Variants in SRRD observed in about 807,000 individuals in gnomAD.
SRRD encodes the protein SRR1-like protein.
A neutral mutation model predicts 30.7 loss-of-function variants in SRRD; 28 were observed. That is an observed-to-expected ratio of 0.91 (90% confidence interval 0.68 to 1.25). The LOEUF is 1.25. Among genes scored for constraint, SRRD ranks in the 50% most tolerant of loss-of-function variants. The pLI, the probability that SRRD is intolerant of heterozygous loss-of-function variation, is 0.00. For synonymous variants in SRRD, 161 were observed against 159.6 expected, an observed-to-expected ratio of 1.01 and a Z score of -0.07; for missense variants, 415 against 417.3, an observed-to-expected ratio of 0.99 and a Z score of 0.05.
Position 26,490,115 on chromosome 22 carries a change from CAAT to C in SRRD, c.682_684del (p.Asn228del), listed in dbSNP as rs746322666. On this transcript the variant is annotated inframe_deletion, in exon 5 of 7. Transcript: ENST00000215917. ...TCCATTGTGGGACGGCCTTGTACAA[CAAT>C]CTTTTATGGAGTAACTGGTCAGTAG... 1.9e-6 allele frequency: 3 copies of C among 1,614,126 alleles called. No homozygotes were observed. The highest frequency in any genetic ancestry group is 2.2e-5 in the East Asian group (1 of 44,878).
intron 2 of SRRD, among the ~76,000 whole-genome samples, chr22:26,487,231 A>G (rs983657205): frequency 1.3e-5 from 2 of 152,100 alleles, no homozygotes; most frequent in Non-Finnish European, 2.9e-5. Context: ...CTTTGCTGGT[A>G]TCTTAAGTGA....
At chr22:26,485,177 T>C (rs1357596164) in intron 1 of SRRD, among the ~76,000 whole-genome samples, 1 of 152,220 alleles carries the variant, frequency 6.6e-6, no homozygotes, top group Non-Finnish European at 1.5e-5. Context: ...ACTGCTTCAG[T>C]ATTCCCCAGG....
intron 6 of SRRD, 92 bp downstream of exon 6, chr22:26,491,162 G>C: frequency 7.6e-7 from 1 of 1,324,352 alleles, no homozygotes; most frequent in Non-Finnish European, 1.1e-6. Context: ...GAAACTCATG[G>C]GCTAAGTGGC....
chr22:26,491,302 G>A (rs1329961485), intron 6 of SRRD, 161 bp from the exon 7 acceptor site: 13 of 732,266 alleles, frequency 1.8e-5, no homozygotes, highest in Admixed American at 2.9e-5. Context: ...CTGTCCTTGG[G>A]GCGCCCAATT....
chr22:26,491,221 T>A, intron 6 of SRRD, 151 bp downstream of exon 6: 2 of 845,514 alleles, frequency 2.4e-6, no homozygotes, highest in Non-Finnish European at 3.7e-6. Context: ...CAGAAAGCTA[T>A]GACTCTTTAA....
rs1221835056 is a variant in SRRD, at chr22:26,494,331, C to A, written c.*2659C>A. ...TGCCAAAAAGAAAAATTACTTGCAT[C>A]CATCGTGGCAACAAATGAAGGCAAG... On this transcript the variant is annotated 3_prime_UTR_variant, in exon 7 of 7. Coordinates refer to ENST00000215917, the MANE Select transcript of SRRD (RefSeq NM_001013694.3). 6.2e-7 allele frequency: 1 copy of A among 1,613,954 alleles called. No individual in the cohort carries two copies. The highest frequency in any genetic ancestry group is 1.7e-5 in the Admixed American group (1 of 60,004).
At position 26,494,069 on chromosome 22, in the gene SRRD, T is replaced by A; in HGVS notation, c.*2397T>A. The A allele has an allele frequency of 6.4e-7, 1 of 1,567,680 alleles. No homozygotes were observed. On this transcript the variant is annotated 3_prime_UTR_variant, in exon 7 of 7. Coordinates refer to ENST00000215917, the MANE Select transcript of SRRD (RefSeq NM_001013694.3). Reference sequence around the variant, plus strand: ...CCTACAGGAACCAGAAAACTCTGATTCTGTGTCATTTACATGTGTAAAATC... The same window carrying A: ...CCTACAGGAACCAGAAAACTCTGATACTGTGTCATTTACATGTGTAAAATC...
rs746909138 is a variant in SRRD, at chr22:26,488,428, T to C, written c.549T>C (p.Phe183=). Residue 183 remains phenylalanine, a synonymous_variant, in exon 4 of 7, where the codon TTT becomes TTC. Transcript: ENST00000215917. The part of the protein sequence containing the change: ...RSHCWVYDPL[F]SQLEIEVLNT... ...ACTGTTGGGTATATGACCCTCTGTT[T>C]AGCCAACTTGAAATTGAAGTCCTTA... The C allele has an allele frequency of 6.2e-7, 1 of 1,614,202 alleles. No individual in the cohort carries two copies. Among genetic ancestry groups the C allele is most frequent in the Non-Finnish European group, 8.5e-7 (1 of 1,180,008 alleles).
At chr22:26,490,260 C>A in intron 5 of SRRD, 62 bp downstream of exon 5, 1 of 1,570,164 alleles carries the variant, frequency 6.4e-7, no homozygotes, top group Non-Finnish European at 8.7e-7. Flanking sequence ...CTCAGATTGA[C>A]CCACATGCAG....
chr22:26,488,524 A>C, intron 4 of SRRD, 36 bp downstream of exon 4: 1 of 1,530,572 alleles, frequency 6.5e-7, no homozygotes, highest in Non-Finnish European at 9.1e-7. Flanking sequence ...AGAACTGTAA[A>C]AATCCTGACC....
chr22:26,491,125 TTC>T, intron 6 of SRRD, 55 bp downstream of exon 6: 1 of 1,551,950 alleles, frequency 6.4e-7, no homozygotes, highest in Non-Finnish European at 8.8e-7. Flanking sequence ...CTGTGAAGAA[TTC>T]TATCTTTCTT....
intron 2 of SRRD, among the ~76,000 whole-genome samples, chr22:26,486,851 CA>C (rs1460334208): frequency 6.7e-6 from 1 of 150,224 alleles, no homozygotes; most frequent in African/African-American, 2.4e-5. Flanking sequence ...ATTCTTTTAT[CA>C]AAATTGACCT....
At chr22:26,488,349 G>A (rs1389296162) in intron 3 of SRRD, 41 bp from the exon 4 acceptor site, 1 of 1,613,532 alleles carries the variant, frequency 6.2e-7, no homozygotes, top group Non-Finnish European at 8.5e-7. Flanking sequence ...GGTGCACACA[G>A]ATGTTTGGGT....
intron 2 of SRRD, among the ~76,000 whole-genome samples, chr22:26,486,973 G>T (rs1441827112): frequency 6.7e-6 from 1 of 149,782 alleles, no homozygotes; most frequent in African/African-American, 2.5e-5. Context: ...CCAGGCTGGA[G>T]TGTAGGGGTG....
chr22:26,491,986 TCTGA>T lies in SRRD; in HGVS notation c.*318_*321del, dbSNP rs1459230975. ...AGTACATCCCTCTTAGGGGCAAGTC[TCTGA>T]CTGGTTCTGGACCTGCCACAGTTCA... On this transcript the variant is annotated 3_prime_UTR_variant, in exon 7 of 7. Transcript: ENST00000215917. The T allele has an allele frequency of 6.4e-7, 1 of 1,558,490 alleles. No individual in the cohort carries two copies. Among genetic ancestry groups the T allele is most frequent in the South Asian group, 1.2e-5 (1 of 85,224 alleles).
chr22:26,486,136 G>T, intron 2 of SRRD, 73 bp downstream of exon 2: 2 of 1,595,470 alleles, frequency 1.3e-6, no homozygotes, highest in Non-Finnish European at 1.7e-6. Context: ...AGGACATTTT[G>T]CTTCACAGAG....
In SRRD at chr22:26,491,144, C is replaced by T. The variant is rs753393817; in HGVS notation, c.810+74C>T. On this transcript the variant is annotated intron_variant, in intron 6 of 6. Coordinates refer to ENST00000215917, the MANE Select transcript of SRRD (RefSeq NM_001013694.3). ...GAAGAATTCTATCTTTCTTTACAGG[C>T]GTAGGAGGAAACTCATGGGCTAAGT... 40 of 1,470,142 alleles carry T rather than the reference C, an allele frequency of 2.7e-5. 1 individual carries two copies. The Middle Eastern group carries it at 1.2e-3, about 45-fold the overall frequency. The allele number at this position is 1,470,142 out of a possible 1,614,324, so 91.1% of individuals were successfully genotyped here.
chr22:26,491,995 T>A lies in SRRD; in HGVS notation c.*323T>A. 1 of 1,571,888 alleles carries A rather than the reference T, an allele frequency of 6.4e-7. No individual in the cohort carries two copies. The highest frequency in any genetic ancestry group is 8.6e-7 in the Non-Finnish European group (1 of 1,158,152). On this transcript the variant is annotated 3_prime_UTR_variant, in exon 7 of 7. Transcript: ENST00000215917. ...CTCTTAGGGGCAAGTCTCTGACTGG[T>A]TCTGGACCTGCCACAGTTCACTTGG...
At chr22:26,486,747 G>T (rs1175897941) in intron 2 of SRRD, among the ~76,000 whole-genome samples, 1 of 152,158 alleles carries the variant, frequency 6.6e-6, no homozygotes, top group Non-Finnish European at 1.5e-5. Context: ...AACTTAGGAT[G>T]ATCTTCTTAG....
Sources: allele counts gnomAD v4.1 joint callset (sites outside exome capture counted in the v4.1 genomes callset), GRCh38; gene constraint gnomAD v4.1.1; transcripts MANE v1.5; gene names NCBI Gene and HGNC (gene_info 2026-07-23, HGNC 2026-07-21).